FGF14: variants seen among roughly 807,000 people sequenced by gnomAD.
The protein encoded by FGF14 is fibroblast growth factor homologous factor 4.
In FGF14, 5 loss-of-function variants were observed where a neutral mutation model predicts 25.5. That is an observed-to-expected ratio of 0.20 (90% CI 0.10 to 0.41). The LOEUF (loss-of-function observed/expected upper bound fraction) is 0.41. FGF14 is among the 10% of genes least tolerant of loss of function. The pLI, the probability that FGF14 is intolerant of heterozygous loss-of-function variation, is 1.00. For synonymous variants in FGF14, 138 were observed against 118.3 expected (o/e 1.17, Z -1.08); for missense variants, 222 against 320.1 (o/e 0.69, Z 2.34).
chr13:102,161,658 GAAGAAGAAGAAGAAGAAGAAGAA>G (rs2047740533), intron 1 of FGF14, among the ~76,000 whole-genome samples: 1 of 20,512 alleles, frequency 4.9e-5, no homozygotes, highest in African/African-American at 1.9e-4. Context: ...AGAAGAAGAA[GAAGAAGAAGAAGAAGAAGAAGAA>G]GAAGAAGAAG....
chr13:102,115,357 A>G (rs2045420586), intron 1 of FGF14, among the ~76,000 whole-genome samples: 1 of 152,176 alleles, frequency 6.6e-6, no homozygotes, highest in African/African-American at 2.4e-5. Flanking sequence ...CATCAGACAC[A>G]AGACCACTGC....
chr13:102,364,781 T>A (rs2057662201), intron 1 of FGF14, among the ~76,000 whole-genome samples: 1 of 152,192 alleles, frequency 6.6e-6, no homozygotes, highest in Non-Finnish European at 1.5e-5. Context: ...AACTTCTCCA[T>A]TCAGTTCCTC....
chr13:101,913,574 C>G (rs2033169463), intron 1 of FGF14, among the ~76,000 whole-genome samples: 1 of 152,126 alleles, frequency 6.6e-6, no homozygotes, highest in Admixed American at 6.5e-5. Flanking sequence ...ATTCTTTATT[C>G]TGTTTTCAAG....
At position 102,068,210 on chromosome 13, in the gene FGF14, T is replaced by A. The variant is rs146197497; in HGVS notation, c.209-192914A>T. Among the ~76,000 whole-genome samples, 766 of 152,274 alleles carry A rather than the reference T, an allele frequency of 5.0e-3. 6 individuals are homozygous for A. The highest frequency in any genetic ancestry group is 0.017 in the African/African-American group (721 of 41,550). On this transcript the variant is annotated intron_variant, in intron 1 of 4. Transcript: ENST00000376131. ...GACATTAACAAGCAATAAGAAAACATCTGAAATAAACAATCTCATAAACAA... is the reference window on the plus strand; with the variant it reads ...GACATTAACAAGCAATAAGAAAACAACTGAAATAAACAATCTCATAAACAA...
intron 1 of FGF14, among the ~76,000 whole-genome samples, chr13:102,158,829 C>T (rs2047485221): frequency 6.6e-6 from 1 of 152,024 alleles, no homozygotes; most frequent in Non-Finnish European, 1.5e-5. Flanking sequence ...CACAATTGTA[C>T]TATTATTTGC....
chr13:101,864,577 G>T (rs1291465299), intron 3 of FGF14, among the ~76,000 whole-genome samples: 2 of 152,054 alleles, frequency 1.3e-5, no homozygotes, highest in Non-Finnish European at 2.9e-5. Context: ...CTTTCCAGGT[G>T]ATTCGCGTGA....
At position 101,723,798 on chromosome 13, in the gene FGF14, G is replaced by A. The variant is rs933666616; in HGVS notation, c.608-831C>T. On this transcript the variant is annotated intron_variant, in intron 4 of 4. Transcript: ENST00000376143. ...ATGATTTCTGGAAGTCCTGAGAAAG[G>A]ACATATAAGAGTGACTGATGGTTGG... Among the ~76,000 whole-genome samples, 4 of 149,738 alleles carry A rather than the reference G, an allele frequency of 2.7e-5. No homozygotes were observed. In the South Asian group the frequency reaches 8.4e-4, roughly 31 times the overall value.
At chr13:102,156,732 C>T (rs1221341523) in intron 1 of FGF14, among the ~76,000 whole-genome samples, 1 of 152,146 alleles carries the variant, frequency 6.6e-6, no homozygotes, top group African/African-American at 2.4e-5. Flanking sequence ...TCCCTGTTTG[C>T]AGACGACATG....
chr13:101,799,664 C>T lies in FGF14; in HGVS notation c.408+69061G>A, dbSNP rs561479267. Among the ~76,000 whole-genome samples, 20 of 152,178 alleles carry T rather than the reference C, an allele frequency of 1.3e-4. No individual in the cohort carries two copies. In the South Asian group the frequency reaches 3.7e-3, roughly 28 times the overall value. On this transcript the variant is annotated intron_variant, in intron 3 of 4. Coordinates refer to ENST00000376143, the MANE Select transcript of FGF14 (RefSeq NM_004115.4). ...GTTTCTCACTGTCTGGATTGAAGAT[C>T]GTTGATTCTGCTCTACCTGGCAGAC...
intron 1 of FGF14, among the ~76,000 whole-genome samples, chr13:102,065,309 C>T (rs900887688): frequency 3.3e-5 from 5 of 152,072 alleles, no homozygotes; most frequent in African/African-American, 1.2e-4. Flanking sequence ...ATCTACTGTG[C>T]TACATTCCTA....
At chr13:101,808,488 T>C (rs2041324920) in intron 3 of FGF14, among the ~76,000 whole-genome samples, 1 of 152,176 alleles carries the variant, frequency 6.6e-6, no homozygotes. Context: ...AAAATTACAA[T>C]AGTGAATTTG....
intron 1 of FGF14, among the ~76,000 whole-genome samples, chr13:102,278,025 G>T (rs145125374): frequency 3.9e-5 from 6 of 152,242 alleles, no homozygotes; most frequent in Non-Finnish European, 7.4e-5. Flanking sequence ...GCTGACTGTG[G>T]TCTTTGAAGA....
intron 1 of FGF14, among the ~76,000 whole-genome samples, chr13:102,310,704 G>T (rs1390174641): frequency 1.6e-5 from 1 of 60,730 alleles, no homozygotes; most frequent in Admixed American, 1.5e-4. Context: ...TGTGGGGGGG[G>T]GGGGGTGGGG....
chr13:101,911,796 C>T (rs918160023), intron 1 of FGF14, among the ~76,000 whole-genome samples: 3 of 152,026 alleles, frequency 2.0e-5, no homozygotes, highest in African/African-American at 7.2e-5. Flanking sequence ...AAAAAGTTAG[C>T]AACAGGTATT....
At chr13:101,887,910 A>G (rs2046078137) in intron 1 of FGF14, among the ~76,000 whole-genome samples, 1 of 152,188 alleles carries the variant, frequency 6.6e-6, no homozygotes, top group African/African-American at 2.4e-5. Flanking sequence ...ATAGATACAA[A>G]TTGTTAACAT....
chr13:102,195,010 C>T (rs564221568), intron 1 of FGF14, among the ~76,000 whole-genome samples: 1 of 152,030 alleles, frequency 6.6e-6, no homozygotes, highest in East Asian at 1.9e-4. Flanking sequence ...CTATAATTTT[C>T]AGAACTATTC....
At chr13:101,898,341 A>AACACACACACACACACACACACACAC (rs55676818) in intron 1 of FGF14, among the ~76,000 whole-genome samples, 6 of 144,372 alleles carry the variant, frequency 4.2e-5, no homozygotes, top group African/African-American at 1.6e-4. Flanking sequence ...TGAAACATAC[A>AACACACACACACACACACACACACAC]ACACACACAC....
intron 1 of FGF14, among the ~76,000 whole-genome samples, chr13:101,889,621 G>A (rs77812298): frequency 0.01 from 1,569 of 152,246 alleles, 31 homozygotes; most frequent in African/African-American, 0.036. Flanking sequence ...CAAGCAAAAC[G>A]TCAAGCTGAT....
intron 3 of FGF14, among the ~76,000 whole-genome samples, chr13:101,750,747 G>A (rs188909598): frequency 6.6e-6 from 1 of 152,206 alleles, no homozygotes; most frequent in African/African-American, 2.4e-5. Flanking sequence ...TGGTGTAAAT[G>A]TTCATGGCAG....
Sources: gnomAD v4.1 joint callset for allele counts (sites outside exome capture counted in the v4.1 genomes callset) on GRCh38, gnomAD v4.1.1 for gene constraint, MANE v1.5 for transcripts, NCBI Gene and HGNC (gene_info 2026-07-23, HGNC 2026-07-21) for gene names.